Variants in TRMT9B observed in about 807,000 individuals in gnomAD.
TRMT9B encodes the protein probable tRNA methyltransferase 9B.
Under a neutral mutation model 11.5 loss-of-function variants are expected in TRMT9B, and 16 were observed. The ratio of observed to expected loss-of-function variants is 1.39; its 90% CI spans 0.94 to 2.11. The LOEUF (loss-of-function observed/expected upper bound fraction) is 2.11. Among genes scored for constraint, TRMT9B ranks in the 30% most tolerant of loss-of-function variants. The probability of loss-of-function intolerance (pLI) is 0.00; values close to 1 mark genes in which losing one functional copy is unlikely to be tolerated. For missense variants in TRMT9B, 941 were observed against 553.8 expected (o/e 1.70, Z -7.02); for synonymous variants, 274 against 192.4 (o/e 1.42, Z -3.51).
intron 1 of TRMT9B, among the ~76,000 whole-genome samples, chr8:12,971,922 A>C (rs1351849773): frequency 6.6e-6 from 1 of 152,202 alleles, no homozygotes; most frequent in African/African-American, 2.4e-5. Context: ...AACCAAAAAA[A>C]ACCCTAATTT....
chr8:12,950,714 T>A (rs1029451709), intron 1 of TRMT9B, among the ~76,000 whole-genome samples: 1 of 152,184 alleles, frequency 6.6e-6, no homozygotes, highest in Non-Finnish European at 1.5e-5. Flanking sequence ...AGAAACTATA[T>A]GCTGACGTCC....
chr8:12,952,431 A>C lies in TRMT9B; in HGVS notation c.-200+6465A>C, dbSNP rs1800751548. The C allele has an allele frequency of 1.3e-5, 4 of 302,224 alleles. No homozygotes were observed. The Admixed American group carries it at 1.8e-4, about 14-fold the overall frequency. The allele number at this position is 302,224 out of a possible 1,614,324, so 18.7% of individuals were successfully genotyped here. On this transcript the variant is annotated intron_variant, in intron 1 of 4. Coordinates refer to ENST00000524591, the MANE Select transcript of TRMT9B (RefSeq NM_020844.3). Reference sequence around the variant, plus strand: ...TTTACCTTGCAAACAGCCTTGCAATACGATCAAAACAGGCGAGACAGCCAT... The same window carrying C: ...TTTACCTTGCAAACAGCCTTGCAATCCGATCAAAACAGGCGAGACAGCCAT...
At chr8:12,968,791 G>T (rs1343130069) in intron 1 of TRMT9B, among the ~76,000 whole-genome samples, 1 of 152,084 alleles carries the variant, frequency 6.6e-6, no homozygotes, top group East Asian at 1.9e-4. Context: ...GGTGCAGTAT[G>T]GTGGGTAGAG....
At chr8:12,989,497 A>G (rs768496989) in intron 1 of TRMT9B, among the ~76,000 whole-genome samples, 5 of 152,146 alleles carry the variant, frequency 3.3e-5, no homozygotes, top group Admixed American at 6.6e-5. Context: ...TAGCACACAT[A>G]TGCCTCCTAC....
chr8:12,991,039 G>A lies in TRMT9B; in HGVS notation c.-2+8G>A, dbSNP rs910358970. The stretch of plus-strand genomic sequence containing the variant: ...AATCACAGGATGACTCAGGTTAGTA[G>A]CTTTCAGCGCTTCTGCAACTCACAT... On this transcript the variant is annotated splice_region_variant and intron_variant, in intron 2 of 4. Transcript: ENST00000524591. 22 of 1,201,394 alleles carry A rather than the reference G, an allele frequency of 1.8e-5. No homozygotes were observed. The highest frequency in any genetic ancestry group is 4.7e-5 in the African/African-American group (3 of 63,662). The allele number at this position is 1,201,394 out of a possible 1,614,324, so 74.4% of individuals were successfully genotyped here.
chr8:13,018,706 T>C lies in TRMT9B; in HGVS notation c.329-2302T>C, dbSNP rs117188442. Among the ~76,000 whole-genome samples, 978 of 152,284 alleles carry C rather than the reference T, an allele frequency of 6.4e-3. 8 individuals carry two copies. Among genetic ancestry groups the C allele is most frequent in the African/African-American group, 0.02 (847 of 41,550 alleles). ...TCAGCTGAACAACATATTGTCTTGT[T>C]TTATGTGTGTTTCTGTTTAAAGACA... On this transcript the variant is annotated intron_variant, in intron 4 of 4. Coordinates refer to ENST00000524591, the MANE Select transcript of TRMT9B (RefSeq NM_020844.3).
intron 3 of TRMT9B, chr8:13,011,977 CAGG>C: frequency 1.0e-6 from 1 of 985,256 alleles, no homozygotes; most frequent in Non-Finnish European, 1.2e-6. Context: ...GGAGAGACAA[CAGG>C]AGAATAAAAG....
chr8:12,956,455 C>A (rs1801323441), intron 1 of TRMT9B, among the ~76,000 whole-genome samples: 1 of 152,272 alleles, frequency 6.6e-6, no homozygotes, highest in South Asian at 2.1e-4. Context: ...TAAAAATTAC[C>A]AAGCGCCTGC....
rs943577932 is a variant in TRMT9B at position 13,018,122 on chromosome 8, C to G, written c.329-2886C>G. 3.5e-5 allele frequency among the ~76,000 whole-genome samples: 5 copies of G among 141,674 alleles called. No homozygotes were observed. The East Asian group carries it at 1.0e-3, about 29-fold the overall frequency. The allele number at this position is 141,674 out of a possible 152,430, so 92.9% of individuals were successfully genotyped here. On this transcript the variant is annotated intron_variant, in intron 4 of 4. Transcript: ENST00000524591. ...TTAAAAAAAAAAAAAAAAAACTTGG[C>G]CAGGCGTGGTGGTTCATGCCTGCAA...
chr8:12,955,806 G>C (rs1205730435), intron 1 of TRMT9B, among the ~76,000 whole-genome samples: 1 of 152,194 alleles, frequency 6.6e-6, no homozygotes, highest in Non-Finnish European at 1.5e-5. Flanking sequence ...TGAAAGTAGG[G>C]GAGGGGACCT....
chr8:12,998,407 T>C (rs1808753576), intron 2 of TRMT9B, among the ~76,000 whole-genome samples: 1 of 152,220 alleles, frequency 6.6e-6, no homozygotes, highest in African/African-American at 2.4e-5. Flanking sequence ...AGAACTGTTC[T>C]AAAGCCACGT....
chr8:12,977,719 A>G (rs1227686916), intron 1 of TRMT9B, among the ~76,000 whole-genome samples: 3 of 151,560 alleles, frequency 2.0e-5, no homozygotes, highest in Non-Finnish European at 4.4e-5. Context: ...CAAACAAACA[A>G]ACTATATTCT....
intron 1 of TRMT9B, among the ~76,000 whole-genome samples, chr8:12,959,239 A>G (rs949231320): frequency 6.6e-6 from 1 of 152,162 alleles, no homozygotes; most frequent in Non-Finnish European, 1.5e-5. Context: ...ATGCTCCAGT[A>G]TCCAAAAATT....
chr8:13,021,616 G>C lies in TRMT9B; in HGVS notation c.937G>C (p.Val313Leu), dbSNP rs777930905. The change falls in exon 5 of 5, where the codon GTG becomes CTG. Residue 313 changes from valine (V) to leucine (L), a missense_variant. Val to Leu is a conservative substitution (Grantham distance 32). Transcript: ENST00000524591. ...GCAAAGTTTAGATGAGGAAGTGTTT[G>C]TGGAATCTTCTTCTGGAAAACACTT... ...KGQSLDEEVF[V>L]ESSSGKHLEW... 1.2e-6 allele frequency: 2 copies of C among 1,613,884 alleles called. No homozygotes were observed. Among genetic ancestry groups the C allele is most frequent in the South Asian group, 2.2e-5 (2 of 91,062 alleles).
chr8:12,982,291 G>C (rs1313005314), intron 1 of TRMT9B, among the ~76,000 whole-genome samples: 1 of 152,170 alleles, frequency 6.6e-6, no homozygotes, highest in Non-Finnish European at 1.5e-5. Flanking sequence ...GATGGAGCTG[G>C]AATCCACACC....
intron 4 of TRMT9B, among the ~76,000 whole-genome samples, chr8:13,018,030 T>C (rs1813076301): frequency 2.0e-5 from 3 of 150,836 alleles, no homozygotes; most frequent in Admixed American, 6.6e-5. Context: ...GGTGAAATTA[T>C]GCTGTTACAT....
In TRMT9B at chr8:13,021,037, A is replaced by G. The variant is rs373644598; in HGVS notation, c.358A>G (p.Arg120Gly). 1.9e-6 allele frequency: 3 copies of G among 1,565,348 alleles called. No homozygotes were observed. The highest frequency in any genetic ancestry group is 1.4e-5 in the African/African-American group (1 of 73,362). The change falls in exon 5 of 5, where the codon AGA (arginine) becomes GGA (glycine). Residue 120 changes from arginine to glycine, a missense_variant. By Grantham distance (125) the Arg-to-Gly change is moderately radical (BLOSUM62 -2). Transcript: ENST00000524591. ...ACATCATTTTTCTACAAAACAAAGA[A>G]GAATCAGAGCAATAAAAGAAATGGC... ...VIHHFSTKQRRIRAIKEMARV... is the reference protein window; with the variant it reads ...VIHHFSTKQRGIRAIKEMARV...
At chr8:12,971,623 G>A (rs575999093) in intron 1 of TRMT9B, among the ~76,000 whole-genome samples, 4 of 152,096 alleles carry the variant, frequency 2.6e-5, no homozygotes, top group Non-Finnish European at 5.9e-5. Flanking sequence ...TAATCTGCAA[G>A]AAAAAGATGG....
At chr8:12,970,930 G>C (rs528728218) in intron 1 of TRMT9B, among the ~76,000 whole-genome samples, 25 of 152,302 alleles carry the variant, frequency 1.6e-4, no homozygotes, top group African/African-American at 6.0e-4. Context: ...CTCTATGAAG[G>C]CTCAGTCTTA....
Sources: allele counts gnomAD v4.1 joint callset (sites outside exome capture counted in the v4.1 genomes callset), GRCh38; gene constraint gnomAD v4.1.1; transcripts MANE v1.5; gene names NCBI Gene and HGNC (gene_info 2026-07-23, HGNC 2026-07-21).